Variants in SCART1 observed in about 807,000 individuals in gnomAD.
SCART1 encodes scavenger receptor cysteine-rich domain-containing protein SCART1.
SCART1 carries 62 observed loss-of-function variants against 36.2 expected under a neutral mutation model. The ratio of observed to expected loss-of-function variants is 1.71; its 90% CI spans 1.40 to 2.12. The LOEUF is 2.12. SCART1 is among the 30% of genes most tolerant of loss of function. The pLI is 0.00. For missense variants in SCART1, 1,041 were observed against 540.5 expected, an observed-to-expected ratio of 1.93 and a Z score of -9.18; for synonymous variants, 487 against 238.7, an observed-to-expected ratio of 2.04 and a Z score of -9.59.
rs11101759 is a variant in SCART1 at position 133,456,451 on chromosome 10, C to G, written c.282C>G (p.Asn94Lys). Residue 94 changes from asparagine (N) to lysine (K), a missense_variant, in exon 2 of 12, where the codon AAC becomes AAG. By Grantham distance (94) the Asn-to-Lys change is moderately conservative (BLOSUM62 0). Transcript: ENST00000640237. ...AGATGGCCCAGCCCTGGCTTCACAA[C>G]GTGTCCTGCCGGGGCAACGAGTCCT... is the stretch of plus-strand genomic sequence containing the variant. 9 of 702,224 alleles carry G rather than the reference C, an allele frequency of 1.3e-5. No homozygotes were observed. The Admixed American group carries it at 1.8e-4, about 14-fold the overall frequency. The allele number at this position is 702,224 out of a possible 1,614,324, so 43.5% of individuals were successfully genotyped here.
At chr10:133,465,960 C>G in intron 9 of SCART1, 3 of 675,264 alleles carry the variant, frequency 4.4e-6, no homozygotes, top group Non-Finnish European at 5.4e-6. Context: ...TCTCTGTGCT[C>G]TGGTCACCTC....
chr10:133,456,149 A>C (rs921031767), intron 1 of SCART1, 88 bp from the exon 2 acceptor site: 3 of 646,270 alleles, frequency 4.6e-6, no homozygotes, highest in Non-Finnish European at 8.5e-6. Context: ...CTGAGGCCTC[A>C]CAGGCCGTTC....
At chr10:133,464,847 A>G in exon 7 of SCART1, 1 of 702,468 alleles carries the variant, frequency 1.4e-6, no homozygotes, top group Non-Finnish European at 2.6e-6. Context: ...AGGCTGCCCA[A>G]CTCCACTCTG....
chr10:133,457,328 G>C (rs1227978942), exon 3 of SCART1: 2 of 694,156 alleles, frequency 2.9e-6, no homozygotes, highest in East Asian at 5.4e-5. Context: ...GTCCCTGCGC[G>C]GGACTCCCCG....
chr10:133,463,841 C>T (rs1455793499), intron 6 of SCART1, among the ~76,000 whole-genome samples: 1 of 152,138 alleles, frequency 6.6e-6, no homozygotes, highest in East Asian at 1.9e-4. Flanking sequence ...TCAATATCCT[C>T]CTTCCAGCGA....
chr10:133,465,020 G>T, intron 7 of SCART1, 86 bp from the exon 8 acceptor site: 2 of 700,236 alleles, frequency 2.9e-6, no homozygotes, highest in Non-Finnish European at 5.2e-6. Flanking sequence ...ATCAGAGCCT[G>T]GGCCTGGGGG....
At chr10:133,467,976 T>A in exon 12 of SCART1, 1 of 683,978 alleles carries the variant, frequency 1.5e-6, no homozygotes, top group Non-Finnish European at 2.7e-6. Flanking sequence ...TAAAGCAACC[T>A]GAGGATGAGA....
At chr10:133,462,815 T>G (rs1238504173) in intron 6 of SCART1, among the ~76,000 whole-genome samples, 3 of 152,172 alleles carry the variant, frequency 2.0e-5, no homozygotes, top group Non-Finnish European at 4.4e-5. Context: ...GCACAGAGTC[T>G]CAGACCCTAT....
exon 4 of SCART1, chr10:133,458,562 C>G (rs1315922302): frequency 7.3e-6 from 5 of 685,924 alleles, no homozygotes; most frequent in Non-Finnish European, 1.3e-5. Flanking sequence ...CGGAGGCCTT[C>G]CGCTGTGCGG....
intron 3 of SCART1, 31 bp from the exon 4 acceptor site, chr10:133,458,329 G>A: frequency 1.4e-6 from 1 of 702,550 alleles, no homozygotes; most frequent in Non-Finnish European, 2.6e-6. Flanking sequence ...GAGAACACCT[G>A]TCTCCTGCCT....
chr10:133,454,394 C>T (rs1850583802), intron 1 of SCART1, among the ~76,000 whole-genome samples: 2 of 152,158 alleles, frequency 1.3e-5, no homozygotes, highest in Non-Finnish European at 2.9e-5. Flanking sequence ...GGGGGCTGCT[C>T]CATCCACGTG....
intron 1 of SCART1, 44 bp downstream of exon 1, chr10:133,454,108 C>T (rs1376033959): frequency 1.4e-6 from 1 of 702,372 alleles, no homozygotes; most frequent in East Asian, 2.7e-5. Flanking sequence ...CTGGAGGCAT[C>T]AGCTCTGTTG....
Position 133,456,108 on chromosome 10 carries a change from C to T in SCART1, c.68-129C>T. On this transcript the variant is annotated intron_variant, in intron 1 of 11. Transcript: ENST00000640237. ...CGCGCCCATCACCTCTCTGGGACTG[C>T]TTGGTGGGGTGAGAGGAGCCCGACT... 4.8e-6 allele frequency: 3 copies of T among 621,566 alleles called. No homozygotes were observed. In the South Asian group the frequency reaches 5.6e-5, roughly 12 times the overall value. 38.5% of individuals were successfully genotyped at this position (621,566 alleles called of 1,614,324 possible).
chr10:133,458,036 G>A, intron 3 of SCART1: 1 of 577,796 alleles, frequency 1.7e-6, no homozygotes, highest in Non-Finnish European at 3.1e-6. Context: ...GTGCTCAGTG[G>A]ACCAAGGGGT....
exon 6 of SCART1, chr10:133,459,922 G>A: frequency 1.9e-6 from 1 of 538,952 alleles, no homozygotes. Context: ...GCGCTGCACG[G>A]GGGCGCGTGG....
intron 9 of SCART1, 115 bp downstream of exon 9, chr10:133,465,680 G>A: frequency 1.7e-6 from 1 of 605,780 alleles, no homozygotes; most frequent in Non-Finnish European, 2.9e-6. Flanking sequence ...TTAGTGGGTT[G>A]GTTTCCACCC....
At chr10:133,460,130 C>T in exon 6 of SCART1, 2 of 513,474 alleles carry the variant, frequency 3.9e-6, no homozygotes. Context: ...GGGGGCGGCA[C>T]GACTGGAGGC....
At chr10:133,464,983 C>T in intron 7 of SCART1, 72 bp downstream of exon 7, 2 of 701,718 alleles carry the variant, frequency 2.9e-6, no homozygotes, top group Non-Finnish European at 2.6e-6. Flanking sequence ...TCTGTCCTGA[C>T]AGGTCACTTA....
chr10:133,454,753 C>T (rs948929227), intron 1 of SCART1, among the ~76,000 whole-genome samples: 1 of 152,034 alleles, frequency 6.6e-6, no homozygotes. Context: ...AGGGCGGTGA[C>T]CTGGTGCTGG....
Sources: allele counts gnomAD v4.1 joint callset (sites outside exome capture counted in the v4.1 genomes callset), GRCh38; gene constraint gnomAD v4.1.1; transcripts MANE v1.5; gene names NCBI Gene and HGNC (gene_info 2026-07-23, HGNC 2026-07-21).